DSE: variants seen among roughly 807,000 people sequenced by gnomAD.
The protein encoded by DSE is dermatan sulfate epimerase, also known as dermatan-sulfate epimerase.
A neutral mutation model predicts 84.4 loss-of-function variants in DSE; 36 were observed. The observed-to-expected ratio is 0.43, with a 90% confidence interval of 0.33 to 0.56. DSE has a LOEUF of 0.56. Among genes scored for constraint, DSE ranks in the 20% least tolerant of loss-of-function variants. The pLI is 0.06. For synonymous variants in DSE, 410 were observed against 430.1 expected, an observed-to-expected ratio of 0.95 and a Z score of 0.58; for missense variants, 862 against 1,169.6, an observed-to-expected ratio of 0.74 and a Z score of 3.84.
chr6:116,290,853 A>T (rs1015475288), intron 2 of DSE, among the ~76,000 whole-genome samples: 1 of 152,080 alleles, frequency 6.6e-6, no homozygotes, highest in Non-Finnish European at 1.5e-5. Context: ...TTTCCAGCCA[A>T]CCTCAGTGAA....
At chr6:116,260,678 T>A (rs1224455385) in intron 2 of DSE, among the ~76,000 whole-genome samples, 1 of 152,200 alleles carries the variant, frequency 6.6e-6, no homozygotes, top group Non-Finnish European at 1.5e-5. Flanking sequence ...AAGGAAGGGG[T>A]CCAGTTTCAC....
intron 2 of DSE, among the ~76,000 whole-genome samples, chr6:116,348,897 T>C (rs1778154033): frequency 6.6e-6 from 1 of 152,042 alleles, no homozygotes; most frequent in African/African-American, 2.4e-5. Context: ...ACACCACATG[T>C]TCTCACTCAT....
upstream of DSE, chr6:116,370,547 G>A (rs529888612): frequency 3.8e-5 from 37 of 977,714 alleles, no homozygotes; most frequent in African/African-American, 6.5e-4. Flanking sequence ...GAGTAGTATG[G>A]AAGCATCAGC....
At chr6:116,352,820 C>T (rs939615880) in intron 2 of DSE, among the ~76,000 whole-genome samples, 2 of 152,176 alleles carry the variant, frequency 1.3e-5, no homozygotes, top group Admixed American at 6.5e-5. Context: ...AAAAAATAGG[C>T]TTTCCAAAAC....
chr6:116,316,800 T>G (rs1290939967), intron 2 of DSE, among the ~76,000 whole-genome samples: 1 of 139,218 alleles, frequency 7.2e-6, no homozygotes, highest in African/African-American at 2.8e-5. Context: ...TTTTGCTTAT[T>G]TCTTCTTCTA....
chr6:116,282,990 A>G (rs1237316449), intron 2 of DSE, among the ~76,000 whole-genome samples: 1 of 152,156 alleles, frequency 6.6e-6, no homozygotes, highest in African/African-American at 2.4e-5. Context: ...TAGTAGGACT[A>G]TTACTTGTGG....
chr6:116,381,279 A>G (rs1780205390), intron 1 of DSE, among the ~76,000 whole-genome samples: 1 of 152,132 alleles, frequency 6.6e-6, no homozygotes, highest in Non-Finnish European at 1.5e-5. Context: ...AATGTGAGTC[A>G]TGCTCAAGCA....
At chr6:116,278,466 C>A (rs1245345488) in intron 2 of DSE, 4 of 1,611,956 alleles carry the variant, frequency 2.5e-6, no homozygotes, top group Non-Finnish European at 3.4e-6. Flanking sequence ...AGCACAGGTC[C>A]AGCAGAAGGT....
chr6:116,405,371 G>T (rs1247584267), intron 2 of DSE, among the ~76,000 whole-genome samples: 6 of 152,196 alleles, frequency 3.9e-5, no homozygotes, highest in African/African-American at 1.2e-4. Flanking sequence ...CTTACAGTGA[G>T]GAAGGCTGGG....
At chr6:116,408,905 G>C (rs187668551) in intron 2 of DSE, among the ~76,000 whole-genome samples, 10 of 152,314 alleles carry the variant, frequency 6.6e-5, no homozygotes, top group African/African-American at 2.2e-4. Context: ...ACCTGCTTCA[G>C]TCTTTGAAAT....
At chr6:116,367,641 T>G (rs2640874), upstream of DSE, among the ~76,000 whole-genome samples, 3,393 of 152,296 alleles carry the variant, frequency 0.022, 134 homozygotes, top group African/African-American at 0.078. Context: ...TAAACAAAAC[T>G]AATTCCCTTT....
chr6:116,429,341 T>C (rs2115072841), intron 3 of DSE, among the ~76,000 whole-genome samples: 1 of 152,252 alleles, frequency 6.6e-6, no homozygotes, highest in South Asian at 2.1e-4. Flanking sequence ...GATCTGGGCC[T>C]CTGGAAGCCC....
intron 2 of DSE, among the ~76,000 whole-genome samples, chr6:116,347,895 T>C (rs1343636858): frequency 1.3e-5 from 2 of 152,180 alleles, no homozygotes; most frequent in African/African-American, 2.4e-5. Flanking sequence ...AATCTACCCA[T>C]GTGACAAAGG....
intron 1 of DSE, among the ~76,000 whole-genome samples, chr6:116,392,882 G>A (rs1041426058): frequency 6.6e-6 from 1 of 152,100 alleles, no homozygotes; most frequent in Non-Finnish European, 1.5e-5. Flanking sequence ...GAGAGGTAGG[G>A]AAGCCTAACA....
chr6:116,418,935 A>G (rs1319049547), intron 2 of DSE, among the ~76,000 whole-genome samples: 2 of 152,210 alleles, frequency 1.3e-5, no homozygotes, highest in African/African-American at 4.8e-5. Flanking sequence ...AAATGACACA[A>G]TGTACTTAGA....
intron 2 of DSE, among the ~76,000 whole-genome samples, chr6:116,267,616 T>C (rs993993449): frequency 3.3e-5 from 5 of 152,144 alleles, no homozygotes; most frequent in African/African-American, 1.2e-4. Flanking sequence ...TAATTTATTA[T>C]TGGAGAAAGA....
chr6:116,425,144 T>G (rs1018427704), intron 2 of DSE, among the ~76,000 whole-genome samples: 2 of 152,256 alleles, frequency 1.3e-5, no homozygotes, highest in Non-Finnish European at 2.9e-5. Flanking sequence ...CTATTAAATG[T>G]TGGTATTTCA....
chr6:116,318,045 A>C (rs556131973), intron 2 of DSE, among the ~76,000 whole-genome samples: 2 of 152,322 alleles, frequency 1.3e-5, no homozygotes, highest in Admixed American at 1.3e-4. Context: ...TAATCAAAGC[A>C]AGTTTTATTC....
At chr6:116,352,478 G>C (rs1379538504) in intron 2 of DSE, among the ~76,000 whole-genome samples, 1 of 152,162 alleles carries the variant, frequency 6.6e-6, no homozygotes, top group Non-Finnish European at 1.5e-5. Context: ...CTAATTTCTA[G>C]ACTCTGAATG....
Sources: allele counts gnomAD v4.1 joint callset (sites outside exome capture counted in the v4.1 genomes callset), GRCh38; gene constraint gnomAD v4.1.1; transcripts MANE v1.5; gene names NCBI Gene and HGNC (gene_info 2026-07-23, HGNC 2026-07-21).